The following POSTN variants were observed in gnomAD, a reference collection of about 807,000 sequenced individuals.
POSTN encodes osteoblast specific factor 2 (fasciclin I-like).
In POSTN, 71 loss-of-function variants were observed where a neutral mutation model predicts 104.5. That is an observed-to-expected ratio of 0.68 (90% confidence interval 0.56 to 0.83). The LOEUF is 0.83. Ranked by LOEUF, POSTN falls within the 40% of genes least tolerant of loss-of-function variation. The probability of loss-of-function intolerance (pLI) is 0.00; values close to 1 mark genes in which losing one functional copy is unlikely to be tolerated. For missense variants in POSTN, 949 were observed against 1,006.8 expected, an observed-to-expected ratio of 0.94 and a Z score of 0.78; for synonymous variants, 355 against 340.7, an observed-to-expected ratio of 1.04 and a Z score of -0.46.
chr13:37,583,873 C>T lies in POSTN; in HGVS notation c.1243+96G>A, dbSNP rs116849958. ...AGCCAATGCAGAAACTAATCAACACCTCCTAAAACATTTATTGTTTCTTAT... is the reference window on the plus strand; with the variant it reads ...AGCCAATGCAGAAACTAATCAACACTTCCTAAAACATTTATTGTTTCTTAT... On this transcript the variant is annotated intron_variant, in intron 9 of 22. Transcript: ENST00000379747. 2.4e-5 allele frequency: 35 copies of T among 1,437,786 alleles called. No individual in the cohort carries two copies. The East Asian group carries it at 4.9e-4, about 20-fold the overall frequency. The allele number at this position is 1,437,786 out of a possible 1,614,324, so 89.1% of individuals were successfully genotyped here.
intron 17 of POSTN, among the ~76,000 whole-genome samples, chr13:37,574,020 C>T (rs1424479588): frequency 1.4e-4 from 21 of 151,520 alleles, no homozygotes; most frequent in Admixed American, 1.4e-3. Context: ...TTTTAAAAAT[C>T]AATTCACTGC....
intron 3 of POSTN, among the ~76,000 whole-genome samples, chr13:37,591,336 T>C (rs1050520255): frequency 1.3e-5 from 2 of 152,182 alleles, no homozygotes; most frequent in Non-Finnish European, 2.9e-5. Context: ...AAATTCAATA[T>C]AAGCTAATGA....
chr13:37,574,553 G>T lies in POSTN; in HGVS notation c.2089+19C>A. The T allele has an allele frequency of 6.3e-7, 1 of 1,582,286 alleles. No individual in the cohort carries two copies. The highest frequency in any genetic ancestry group is 1.4e-5 in the African/African-American group (1 of 72,990). ...ATGTTTTTACTATAAAAGGAACCAT[G>T]TATAACATTGATTTTTACCTTCAGT... is the stretch of plus-strand genomic sequence containing the variant. On this transcript the variant is annotated intron_variant, in intron 17 of 22. Coordinates refer to ENST00000379747, the MANE Select transcript of POSTN (RefSeq NM_006475.3).
At position 37,577,761 on chromosome 13, in the gene POSTN, G is replaced by T; in HGVS notation, c.2000C>A (p.Thr667Asn). ...RGSTFKEIPV[T>N]VYTTKIITKV... ...ATTTATTATATACTTACTATAGACA[G>T]TCACGGGGATTTCTTTGAAGGTGCT... The change falls in exon 16 of 23, where the codon ACT becomes AAT. Residue 667 changes from threonine (T) to asparagine (N), a missense_variant. Coordinates refer to ENST00000379747, the MANE Select transcript of POSTN (RefSeq NM_006475.3). 13 of 1,613,532 alleles carry T rather than the reference G, an allele frequency of 8.1e-6. No individual in the cohort carries two copies. Among genetic ancestry groups the T allele is most frequent in the Non-Finnish European group, 1.1e-5 (13 of 1,179,684 alleles).
At chr13:37,571,515 C>T (rs1276110267) in intron 17 of POSTN, 57 bp from the exon 18 acceptor site, 5 of 1,270,892 alleles carry the variant, frequency 3.9e-6, no homozygotes, top group Non-Finnish European at 5.6e-6. Flanking sequence ...TTAAATTTAC[C>T]GGAATAGGAC....
At position 37,571,248 on chromosome 13, in the gene POSTN, C is replaced by T. The variant is rs1009463435; in HGVS notation, c.2179+121G>A. On this transcript the variant is annotated intron_variant, in intron 18 of 22. Coordinates refer to ENST00000379747, the MANE Select transcript of POSTN (RefSeq NM_006475.3). ...GAACTCATAGCTGAGGAAATAATTC[C>T]CACAATTTTTATAAAATAAGAACTA... The T allele has an allele frequency of 8.9e-6, 6 of 676,656 alleles. No individual in the cohort carries two copies. The African/African-American group carries it at 9.4e-5, about 11-fold the overall frequency. The allele number at this position is 676,656 out of a possible 1,614,324, so 41.9% of individuals were successfully genotyped here.
chr13:37,568,155 T>G (rs1325263435), intron 21 of POSTN, among the ~76,000 whole-genome samples: 3 of 152,144 alleles, frequency 2.0e-5, no homozygotes, highest in Non-Finnish European at 4.4e-5. Context: ...GGTTCCGTTA[T>G]GGCTCTGTTG....
At chr13:37,565,706 T>C (rs1193959247) in intron 21 of POSTN, among the ~76,000 whole-genome samples, 1 of 152,084 alleles carries the variant, frequency 6.6e-6, no homozygotes, top group African/African-American at 2.4e-5. Flanking sequence ...GAGTAAAATA[T>C]AGAACTATAG....
chr13:37,581,597 C>G (rs187243744), intron 10 of POSTN, among the ~76,000 whole-genome samples: 2 of 151,986 alleles, frequency 1.3e-5, no homozygotes. Context: ...ATGTTGTGCA[C>G]CTATAGTCCT....
At chr13:37,590,877 G>T (rs1181647563) in intron 3 of POSTN, among the ~76,000 whole-genome samples, 1 of 151,504 alleles carries the variant, frequency 6.6e-6, no homozygotes, top group East Asian at 1.9e-4. Flanking sequence ...TATAGATTTG[G>T]GTCCCTAAAA....
intron 10 of POSTN, among the ~76,000 whole-genome samples, chr13:37,581,965 C>T (rs1180783117): frequency 6.6e-6 from 1 of 152,108 alleles, no homozygotes; most frequent in African/African-American, 2.4e-5. Context: ...CTAATCAACA[C>T]CTTGTAAAAC....
intron 16 of POSTN, among the ~76,000 whole-genome samples, chr13:37,576,806 T>C (rs1950422776): frequency 6.6e-6 from 1 of 152,076 alleles, no homozygotes; most frequent in South Asian, 2.1e-4. Flanking sequence ...CATGTTATTA[T>C]TGCATAATTG....
chr13:37,595,744 A>G (rs1227163449), intron 2 of POSTN, among the ~76,000 whole-genome samples: 2 of 152,040 alleles, frequency 1.3e-5, no homozygotes, highest in Non-Finnish European at 2.9e-5. Context: ...AAACTCTATA[A>G]TATAGCTATT....
At chr13:37,578,526 G>C (rs772094593) in intron 15 of POSTN, among the ~76,000 whole-genome samples, 5 of 152,016 alleles carry the variant, frequency 3.3e-5, no homozygotes, top group African/African-American at 1.2e-4. Context: ...GGCTAGGCGC[G>C]GTGGCTCACG....
chr13:37,569,335 A>G lies in POSTN; in HGVS notation c.2396T>C (p.Phe799Ser), dbSNP rs75157793. Residue 799 changes from phenylalanine to serine, a missense_variant, in exon 21 of 23, where the codon TTT (phenylalanine) becomes TCT (serine). By Grantham distance (155) the Phe-to-Ser change is radical. Coordinates refer to ENST00000379747, the MANE Select transcript of POSTN (RefSeq NM_006475.3). ...KFIEGGDGHLFEDEEIKRLLQ... is the reference protein window; with the variant it reads ...KFIEGGDGHLSEDEEIKRLLQ... ...CAGTCTTTTAATTTCTTCATCTTCA[A>G]ATAAATGACCATCACCACCTTCAAT... The G allele has an allele frequency of 8.2e-3, 13,173 of 1,612,746 alleles. 79 individuals are homozygous for G. The highest frequency in any genetic ancestry group is 0.045 in the Middle Eastern group (270 of 6,054).
At chr13:37,569,223 T>C (rs1230265641) in intron 21 of POSTN, 77 bp downstream of exon 21, 4 of 1,022,172 alleles carry the variant, frequency 3.9e-6, no homozygotes, top group Non-Finnish European at 2.9e-6. Flanking sequence ...AGAAAAAATC[T>C]GCTTGCTCAG....
chr13:37,584,141 A>G lies in POSTN; in HGVS notation c.1109-38T>C, dbSNP rs1950679354. On this transcript the variant is annotated intron_variant, in intron 8 of 22. Coordinates refer to ENST00000379747, the MANE Select transcript of POSTN (RefSeq NM_006475.3). ...CCATCACCATCACAACAATGTCATC[A>G]TTGCTATTATCTCCATCATGAAACT... The G allele has an allele frequency of 1.9e-6, 3 of 1,609,826 alleles. No homozygotes were observed. The Admixed American group carries it at 5.0e-5, about 27-fold the overall frequency.
At position 37,580,709 on chromosome 13, in the gene POSTN, A is replaced by G. The variant is rs1950558905; in HGVS notation, c.1393-12T>C. 6.2e-7 allele frequency: 1 copy of G among 1,613,828 alleles called. No homozygotes were observed. The highest frequency in any genetic ancestry group is 1.7e-5 in the Admixed American group (1 of 59,984). On this transcript the variant is annotated splice_polypyrimidine_tract_variant and intron_variant, in intron 10 of 22. Coordinates refer to ENST00000379747, the MANE Select transcript of POSTN (RefSeq NM_006475.3). ...TCAATGCAGACAGCCTAGGAAAGGA[A>G]AGAAAGGTATGGGGTGTCATTTTCC...
At chr13:37,570,539 T>C (rs769510702) in intron 19 of POSTN, 41 bp downstream of exon 19, 5 of 1,307,322 alleles carry the variant, frequency 3.8e-6, no homozygotes, top group Non-Finnish European at 5.5e-6. Flanking sequence ...ATTTGATCTT[T>C]ATAATCTAGG....
Sources: gnomAD v4.1 joint callset for allele counts (sites outside exome capture counted in the v4.1 genomes callset) on GRCh38, gnomAD v4.1.1 for gene constraint, MANE v1.5 for transcripts, NCBI Gene and HGNC (gene_info 2026-07-23, HGNC 2026-07-21) for gene names.